The following ANAPC13 variants were observed in gnomAD, a reference collection of about 807,000 sequenced individuals.
ANAPC13 encodes anaphase promoting complex subunit 13.
Under a neutral mutation model 9.6 loss-of-function variants are expected in ANAPC13, and 9 were observed. That is an observed-to-expected ratio of 0.94 (90% confidence interval 0.57 to 1.64). The LOEUF (loss-of-function observed/expected upper bound fraction) is 1.64. Ranked by LOEUF, ANAPC13 falls within the 40% of genes most tolerant of loss-of-function variation. The pLI, the probability that ANAPC13 is intolerant of heterozygous loss-of-function variation, is 0.00. For missense variants in ANAPC13, 75 were observed against 85.3 expected (o/e 0.88, Z 0.48); for synonymous variants, 30 against 29.7 (o/e 1.01, Z -0.03).
intron 2 of ANAPC13, among the ~76,000 whole-genome samples, chr3:134,479,381 A>G (rs1490748332): frequency 6.6e-6 from 1 of 151,930 alleles, no homozygotes; most frequent in African/African-American, 2.4e-5. Flanking sequence ...TTTGTTGCCC[A>G]GGTTAGAGAG....
intron 2 of ANAPC13, 99 bp from the exon 3 acceptor site, chr3:134,478,814 G>A: frequency 7.4e-7 from 1 of 1,356,260 alleles, no homozygotes; most frequent in Non-Finnish European, 1.0e-6. Flanking sequence ...CCTAGGAACA[G>A]GCAACATAAT....
intron 1 of ANAPC13, 38 bp from the exon 2 acceptor site, chr3:134,482,969 T>G (rs897007508): frequency 7.6e-7 from 1 of 1,318,846 alleles, no homozygotes; most frequent in East Asian, 2.3e-5. Context: ...ACACGAAGAC[T>G]GAAGAGATGG....
intron 1 of ANAPC13, 147 bp downstream of exon 1, chr3:134,485,805 C>G (rs1447747799): frequency 9.9e-6 from 2 of 202,522 alleles, no homozygotes; most frequent in Non-Finnish European, 1.7e-5. Context: ...AAGTCCCTTT[C>G]CTCCCGACAC....
At chr3:134,480,049 T>C (rs1934702886) in intron 2 of ANAPC13, among the ~76,000 whole-genome samples, 1 of 152,238 alleles carries the variant, frequency 6.6e-6, no homozygotes. Flanking sequence ...TCAATATATA[T>C]TAAATGATAT....
Position 134,478,277 on chromosome 3 carries a change from A to G in ANAPC13, c.*313T>C. 3.6e-6 allele frequency: 1 copy of G among 281,190 alleles called. No homozygotes were observed. Among genetic ancestry groups the G allele is most frequent in the East Asian group, 1.0e-4 (1 of 9,994 alleles). The allele number at this position is 281,190 out of a possible 1,614,324, so 17.4% of individuals were successfully genotyped here. ...TTCAATCACCTGTGTTACAGGACAC[A>G]CATAAGTAGTTGGAAGGTGTTAAAC... On this transcript the variant is annotated 3_prime_UTR_variant, in exon 3 of 3. Coordinates refer to ENST00000354910, the MANE Select transcript of ANAPC13 (RefSeq NM_015391.4).
chr3:134,484,107 C>T (rs1163742063), intron 1 of ANAPC13, among the ~76,000 whole-genome samples: 1 of 152,182 alleles, frequency 6.6e-6, no homozygotes, highest in Admixed American at 6.5e-5. Flanking sequence ...CAGGGCCGGG[C>T]GCGGTGGCTC....
At chr3:134,480,336 T>C (rs1445441375) in intron 2 of ANAPC13, among the ~76,000 whole-genome samples, 1 of 152,248 alleles carries the variant, frequency 6.6e-6, no homozygotes, top group East Asian at 1.9e-4. Flanking sequence ...TGGTATCTAC[T>C]GTCCCTTGCA....
At chr3:134,484,310 G>A (rs952079403) in intron 1 of ANAPC13, among the ~76,000 whole-genome samples, 1 of 152,158 alleles carries the variant, frequency 6.6e-6, no homozygotes, top group African/African-American at 2.4e-5. Flanking sequence ...AACCTGGGAG[G>A]CGGAGCTTGC....
intron 2 of ANAPC13, 68 bp downstream of exon 2, chr3:134,482,738 A>C: frequency 8.3e-7 from 1 of 1,210,928 alleles, no homozygotes; most frequent in Non-Finnish European, 1.2e-6. Context: ...TTCCATTGAT[A>C]TCCCTCCTCC....
At chr3:134,483,160 T>C (rs1934777408) in intron 1 of ANAPC13, 1 of 502,582 alleles carries the variant, frequency 2.0e-6, no homozygotes. Flanking sequence ...ACCAGTGTCA[T>C]AGAGTGTGAC....
chr3:134,485,931 G>A, intron 1 of ANAPC13, 21 bp downstream of exon 1: 1 of 962,092 alleles, frequency 1.0e-6, no homozygotes, highest in Non-Finnish European at 1.2e-6. Flanking sequence ...AACCTAGGCC[G>A]GGGGCGCTGG....
At chr3:134,480,298 T>C (rs1183371079) in intron 2 of ANAPC13, among the ~76,000 whole-genome samples, 1 of 152,264 alleles carries the variant, frequency 6.6e-6, no homozygotes, top group African/African-American at 2.4e-5. Context: ...ATCTGTGGTA[T>C]GCTTTCTAAA....
At chr3:134,482,613 G>T in intron 2 of ANAPC13, 193 bp downstream of exon 2, 1 of 599,492 alleles carries the variant, frequency 1.7e-6, no homozygotes, top group Non-Finnish European at 3.0e-6. Flanking sequence ...ACCTGGCCAT[G>T]TTAGCTCCCT....
chr3:134,483,066 C>A (rs1934775185), intron 1 of ANAPC13, 135 bp from the exon 2 acceptor site: 1 of 635,854 alleles, frequency 1.6e-6, no homozygotes. Flanking sequence ...GGCCGGGTGA[C>A]TACTTTGATC....
intron 1 of ANAPC13, chr3:134,485,275 C>CA (rs1318731897): frequency 6.6e-6 from 1 of 152,406 alleles, no homozygotes; most frequent in East Asian, 1.9e-4. Context: ...AAGTACTCGT[C>CA]ACCCAGTACG....
Position 134,482,933 on chromosome 3 carries a change from T to C in ANAPC13, c.-27-2A>G. 6.4e-7 allele frequency: 1 copy of C among 1,568,188 alleles called. No homozygotes were observed. The highest frequency in any genetic ancestry group is 1.1e-5 in the South Asian group (1 of 90,176). ...CCTGCAGCTTTGATCTTGTCAAATC[T>C]GTAAGCCAAAGAGGTTATTTCTTAA... On this transcript the variant is annotated splice_acceptor_variant, in intron 1 of 2. Transcript: ENST00000354910. LOFTEE classifies it low-confidence loss of function (5UTR_SPLICE).
rs143964389 is a variant in ANAPC13 at position 134,482,338 on chromosome 3, C to T, written c.99+468G>A. ...TATTCCAGAAGGCCACTGGCCTAAA[C>T]GCAAAAGAATACCCAGGTATCTTCT... On this transcript the variant is annotated intron_variant, in intron 2 of 2. Transcript: ENST00000354910. 1.2e-4 allele frequency among the ~76,000 whole-genome samples: 18 copies of T among 152,290 alleles called. No homozygotes were observed. In the East Asian group the frequency reaches 1.7e-3, roughly 15 times the overall value.
At chr3:134,479,685 C>T (rs1295841458) in intron 2 of ANAPC13, among the ~76,000 whole-genome samples, 3 of 152,114 alleles carry the variant, frequency 2.0e-5, no homozygotes, top group African/African-American at 7.2e-5. Context: ...GGAGGTAGGG[C>T]AGGAAACACT....
upstream of ANAPC13, chr3:134,485,993 C>G (rs1214163430): frequency 7.8e-5 from 5 of 63,750 alleles, no homozygotes; most frequent in African/African-American, 4.4e-4. Flanking sequence ...CCTGCCACGC[C>G]CCCCCCCCCT....
Sources: allele counts gnomAD v4.1 joint callset (sites outside exome capture counted in the v4.1 genomes callset), GRCh38; gene constraint gnomAD v4.1.1; transcripts MANE v1.5; gene names NCBI Gene and HGNC (gene_info 2026-07-23, HGNC 2026-07-21).